Variants in DCC observed in about 807,000 individuals in gnomAD.
The protein encoded by DCC is netrin receptor DCC.
DCC carries 58 observed loss-of-function variants against 172.5 expected under a neutral mutation model. The observed-to-expected ratio is 0.34, with a 90% CI of 0.27 to 0.42. The LOEUF is 0.42. Ranked by LOEUF, DCC falls within the 10% of genes least tolerant of loss-of-function variation. DCC has a pLI of 1.00. For synonymous variants in DCC, 709 were observed against 644.5 expected, an observed-to-expected ratio of 1.10 and a Z score of -1.52; for missense variants, 1,740 against 1,791.0, an observed-to-expected ratio of 0.97 and a Z score of 0.51.
intron 1 of DCC, among the ~76,000 whole-genome samples, chr18:52,348,504 T>G (rs1983977512): frequency 6.6e-6 from 1 of 152,206 alleles, no homozygotes; most frequent in Admixed American, 6.5e-5. Context: ...TCTGGTAACT[T>G]CTCATTGTGG....
chr18:53,125,983 A>G (rs1315828653), intron 7 of DCC, among the ~76,000 whole-genome samples: 2 of 152,134 alleles, frequency 1.3e-5, no homozygotes, highest in Non-Finnish European at 2.9e-5. Flanking sequence ...GAGTGTATAC[A>G]AGGAGAGGTT....
intron 1 of DCC, among the ~76,000 whole-genome samples, chr18:52,407,816 C>A (rs568234163): frequency 6.6e-6 from 1 of 152,130 alleles, no homozygotes; most frequent in Admixed American, 6.6e-5. Flanking sequence ...CTGTGTACAG[C>A]TTCCCTCTCC....
chr18:52,595,572 C>T (rs1038249069), intron 1 of DCC, among the ~76,000 whole-genome samples: 2 of 152,172 alleles, frequency 1.3e-5, no homozygotes, highest in South Asian at 2.1e-4. Flanking sequence ...TTTAAACATG[C>T]CATTCTCTCC....
chr18:53,245,338 A>T (rs2144646611), intron 12 of DCC, among the ~76,000 whole-genome samples: 1 of 152,284 alleles, frequency 6.6e-6, no homozygotes, highest in South Asian at 2.1e-4. Context: ...AGTGGTTAAA[A>T]GCACAGACTA....
At chr18:53,090,357 A>T (rs2042984492) in intron 7 of DCC, among the ~76,000 whole-genome samples, 1 of 151,978 alleles carries the variant, frequency 6.6e-6, no homozygotes, top group Non-Finnish European at 1.5e-5. Flanking sequence ...TTGTCTCAAT[A>T]CTATGGGCTA....
intron 12 of DCC, among the ~76,000 whole-genome samples, chr18:53,217,623 A>C (rs1477249509): frequency 2.0e-5 from 3 of 152,102 alleles, no homozygotes; most frequent in Non-Finnish European, 4.4e-5. Flanking sequence ...TGATCAAAAC[A>C]CCACTTTTTG....
intron 13 of DCC, among the ~76,000 whole-genome samples, chr18:53,318,523 G>C (rs1166827281): frequency 6.6e-6 from 1 of 152,132 alleles, no homozygotes; most frequent in Non-Finnish European, 1.5e-5. Context: ...CCGAGTTCAA[G>C]TCCTGAATAG....
intron 1 of DCC, among the ~76,000 whole-genome samples, chr18:52,541,527 A>G (rs899123264): frequency 6.6e-6 from 1 of 152,146 alleles, no homozygotes; most frequent in Non-Finnish European, 1.5e-5. Flanking sequence ...ACCTTTGGAA[A>G]GTCATTTGGG....
intron 1 of DCC, among the ~76,000 whole-genome samples, chr18:52,541,875 G>GTATATATATATATCTATA (rs1555695195): frequency 8.7e-6 from 1 of 115,202 alleles, no homozygotes; most frequent in African/African-American, 3.3e-5. Context: ...GTGTGTGTGT[G>GTATATATATATATCTATA]TATATATATA....
At position 52,423,253 on chromosome 18, in the gene DCC, G is replaced by A. The variant is rs139542628; in HGVS notation, c.91+82375G>A. On this transcript the variant is annotated intron_variant, in intron 1 of 28. Transcript: ENST00000442544. The stretch of plus-strand genomic sequence containing the variant: ...AAACCTATGCAGGGCACTATCGGCT[G>A]TATACACAAGTGCAGAAAAACAATG... Among the ~76,000 whole-genome samples the A allele has an allele frequency of 4.6e-5, 7 of 152,258 alleles. No homozygotes were observed. In the East Asian group the frequency reaches 1.4e-3, roughly 29 times the overall value.
In DCC at chr18:53,534,041, AGAT is replaced by A. The variant is rs1851986149; in HGVS notation, c.*3392_*3394del. On this transcript the variant is annotated 3_prime_UTR_variant, in exon 29 of 29. Coordinates refer to ENST00000442544, the MANE Select transcript of DCC (RefSeq NM_005215.4). The stretch of plus-strand genomic sequence containing the variant: ...GGAAGCTGTTGGTGTCTGTGCTTGA[AGAT>A]GATTGCTGATACTTATCCACCCTTT... The A allele has an allele frequency of 6.6e-6, 1 of 152,220 alleles. No homozygotes were observed. The highest frequency in any genetic ancestry group is 1.5e-5 in the Non-Finnish European group (1 of 68,030). The allele number at this position is 152,220 out of a possible 1,614,324, so 9.4% of individuals were successfully genotyped here. A position where few individuals can be genotyped will look rare whatever the true frequency, so the allele number is the denominator to read the frequency against.
chr18:52,903,928 C>T (rs998253905), intron 2 of DCC, among the ~76,000 whole-genome samples: 3 of 152,194 alleles, frequency 2.0e-5, no homozygotes, highest in Admixed American at 2.0e-4. Context: ...AGTCTGGAAA[C>T]TGGATTTTGA....
chr18:52,340,282 C>G lies in DCC; in HGVS notation c.-506C>G. 1 of 201,004 alleles carries G rather than the reference C, an allele frequency of 5.0e-6. No homozygotes were observed. Among genetic ancestry groups the G allele is most frequent in the South Asian group, 9.4e-5 (1 of 10,686 alleles). 12.5% of individuals were successfully genotyped at this position (201,004 alleles called of 1,614,324 possible). ...GCCTCTCCTCCCTGGGTCCCCTCGG[C>G]TCTCGGAAGAAAAACCAACAGCATC... On this transcript the variant is annotated 5_prime_UTR_variant, in exon 1 of 29. Transcript: ENST00000442544.
intron 2 of DCC, among the ~76,000 whole-genome samples, chr18:52,905,790 T>C (rs555449955): frequency 3.7e-4 from 57 of 152,196 alleles, no homozygotes; most frequent in Non-Finnish European, 7.3e-4. Context: ...TTGTTTATTT[T>C]ACAGGGCTGT....
intron 1 of DCC, among the ~76,000 whole-genome samples, chr18:52,740,748 G>A (rs1319136906): frequency 6.6e-6 from 1 of 152,118 alleles, no homozygotes; most frequent in Non-Finnish European, 1.5e-5. Flanking sequence ...TCTATTTTAT[G>A]GATAATGAGG....
intron 1 of DCC, among the ~76,000 whole-genome samples, chr18:52,726,484 C>T (rs1400691254): frequency 1.3e-5 from 2 of 152,204 alleles, no homozygotes; most frequent in South Asian, 2.1e-4. Flanking sequence ...TTATTCCATA[C>T]ACCCCACCTG....
At chr18:53,221,572 G>C (rs1461705927) in intron 12 of DCC, among the ~76,000 whole-genome samples, 3 of 152,072 alleles carry the variant, frequency 2.0e-5, no homozygotes, top group Admixed American at 2.0e-4. Flanking sequence ...TTGGTGAATA[G>C]ATACTAAGTT....
intron 1 of DCC, among the ~76,000 whole-genome samples, chr18:52,590,085 G>A (rs2033765750): frequency 6.6e-6 from 1 of 152,100 alleles, no homozygotes; most frequent in Non-Finnish European, 1.5e-5. Context: ...AAAGAAAAGT[G>A]AAATGTGGAA....
At chr18:52,722,546 G>T (rs1205534602) in intron 1 of DCC, among the ~76,000 whole-genome samples, 1 of 152,142 alleles carries the variant, frequency 6.6e-6, no homozygotes, top group African/African-American at 2.4e-5. Context: ...TAATTATCTT[G>T]TGCTTTGTTT....
Sources: allele counts gnomAD v4.1 joint callset (sites outside exome capture counted in the v4.1 genomes callset), GRCh38; gene constraint gnomAD v4.1.1; transcripts MANE v1.5; gene names NCBI Gene and HGNC (gene_info 2026-07-23, HGNC 2026-07-21).